The following C6orf163 variants were observed in gnomAD, a reference collection of about 807,000 sequenced individuals.
C6orf163 encodes the protein chromosome 6 open reading frame 163, also known as uncharacterized protein C6orf163.
Under a neutral mutation model 28.4 loss-of-function variants are expected in C6orf163, and 22 were observed. That is an observed-to-expected ratio of 0.78 (90% CI 0.55 to 1.11). The LOEUF (loss-of-function observed/expected upper bound fraction) is 1.11, where lower values mean the gene tolerates loss of function less well. Ranked by LOEUF, C6orf163 falls within the 50% of genes least tolerant of loss-of-function variation. The probability of loss-of-function intolerance (pLI) is 0.00; values close to 1 mark genes in which losing one functional copy is unlikely to be tolerated. For missense variants in C6orf163, 342 were observed against 389.1 expected (o/e 0.88, Z 1.02); for synonymous variants, 110 against 123.6 (o/e 0.89, Z 0.73).
chr6:87,361,670 C>G (rs114210707), intron 4 of C6orf163, among the ~76,000 whole-genome samples: 1 of 152,150 alleles, frequency 6.6e-6, no homozygotes, highest in Non-Finnish European at 1.5e-5. Context: ...GAATGTGTGT[C>G]GATGCACACT....
intron 2 of C6orf163, among the ~76,000 whole-genome samples, 179 bp downstream of exon 2, chr6:87,349,085 A>G (rs1464212907): frequency 6.6e-6 from 1 of 152,174 alleles, no homozygotes; most frequent in African/African-American, 2.4e-5. Context: ...AAAAAGTAAT[A>G]ATAGTACCCA....
chr6:87,352,669 C>T (rs1777434412), intron 3 of C6orf163, among the ~76,000 whole-genome samples: 1 of 152,028 alleles, frequency 6.6e-6, no homozygotes, highest in East Asian at 1.9e-4. Context: ...ATAGTAAAGT[C>T]ATAGGTAAAT....
At chr6:87,346,880 C>A (rs1777332536) in intron 1 of C6orf163, among the ~76,000 whole-genome samples, 1 of 152,208 alleles carries the variant, frequency 6.6e-6, no homozygotes, top group African/African-American at 2.4e-5. Flanking sequence ...CAGAGTTCCC[C>A]TGTACCCTTC....
chr6:87,350,450 A>G lies in C6orf163; in HGVS notation c.300A>G (p.Arg100=), dbSNP rs754396296. The G allele has an allele frequency of 1.3e-6, 2 of 1,536,418 alleles. No homozygotes were observed. Among genetic ancestry groups the G allele is most frequent in the Middle Eastern group, 3.3e-4 (2 of 5,986 alleles). ...VEKALEEAND[R]HKIEIQILKE... ...AAGCACTTGAAGAAGCAAATGACAG[A>G]CACAAAATTGAAATTCAGATTTTGA... is the stretch of plus-strand genomic sequence containing the variant. The change falls in exon 3 of 5, where the codon AGA becomes AGG. Residue 100 remains arginine (R), a synonymous_variant. Coordinates refer to ENST00000388923, the MANE Select transcript of C6orf163 (RefSeq NM_001010868.3).
chr6:87,350,530 T>A, intron 3 of C6orf163, 29 bp downstream of exon 3: 1 of 1,252,356 alleles, frequency 8.0e-7, no homozygotes, highest in Non-Finnish European at 1.1e-6. Flanking sequence ...TTGTTGTCTT[T>A]TAAAAGTAAT....
At chr6:87,353,740 A>G (rs1777455513) in intron 3 of C6orf163, among the ~76,000 whole-genome samples, 1 of 152,252 alleles carries the variant, frequency 6.6e-6, no homozygotes, top group Admixed American at 6.5e-5. Context: ...GCCTCTGACT[A>G]CAAGAGAATA....
chr6:87,350,449 GAC>G lies in C6orf163; in HGVS notation c.303_304del (p.His101GlnfsTer3), dbSNP rs1179884779. 2.0e-6 allele frequency: 3 copies of G among 1,535,926 alleles called. No individual in the cohort carries two copies. Among genetic ancestry groups the G allele is most frequent in the Non-Finnish European group, 2.6e-6 (3 of 1,146,360 alleles). On this transcript the variant is annotated frameshift_variant, in exon 3 of 5. Coordinates refer to ENST00000388923, the MANE Select transcript of C6orf163 (RefSeq NM_001010868.3). LOFTEE classifies it high-confidence loss of function. Reference sequence around the variant, plus strand: ...AAAGCACTTGAAGAAGCAAATGACAGACACAAAATTGAAATTCAGATTTTGAA... The same window carrying G: ...AAAGCACTTGAAGAAGCAAATGACAGACAAAATTGAAATTCAGATTTTGAA...
At chr6:87,347,421 A>G (rs1777342276) in intron 1 of C6orf163, 1 of 985,290 alleles carries the variant, frequency 1.0e-6, no homozygotes, top group Non-Finnish European at 1.2e-6. Flanking sequence ...GATAGCCTAC[A>G]CTTGTATCAC....
intron 3 of C6orf163, among the ~76,000 whole-genome samples, chr6:87,351,731 T>C (rs1295469961): frequency 6.6e-6 from 1 of 152,224 alleles, no homozygotes; most frequent in African/African-American, 2.4e-5. Flanking sequence ...AGTTACCCGC[T>C]AAGCCCTCTA....
intron 4 of C6orf163, among the ~76,000 whole-genome samples, chr6:87,362,361 C>T (rs1326395296): frequency 6.6e-6 from 1 of 152,134 alleles, no homozygotes; most frequent in Non-Finnish European, 1.5e-5. Context: ...CTTGTAATCC[C>T]AGATACTTGG....
intron 3 of C6orf163, among the ~76,000 whole-genome samples, chr6:87,354,390 A>C (rs1046652298): frequency 6.6e-6 from 1 of 152,208 alleles, no homozygotes; most frequent in Non-Finnish European, 1.5e-5. Context: ...GGCTCCATGA[A>C]CTTCAACAAT....
chr6:87,358,393 G>A (rs1777536639), intron 4 of C6orf163: 1 of 152,040 alleles, frequency 6.6e-6, no homozygotes, highest in Non-Finnish European at 1.5e-5. Context: ...GGATCACGAG[G>A]TCAGGAGATC....
intron 3 of C6orf163, among the ~76,000 whole-genome samples, chr6:87,352,123 G>A (rs1363183684): frequency 6.6e-6 from 1 of 152,114 alleles, no homozygotes; most frequent in Non-Finnish European, 1.5e-5. Flanking sequence ...TTTGTCCGGG[G>A]GTTGAGAATT....
rs1435554909 is a variant in C6orf163, at chr6:87,365,333, G to A, written c.927G>A (p.Leu309=). ...KLSPGHADFI[L]PERKKTPSNL... is the part of the protein sequence containing the mutation. ...CACCAGGACATGCAGATTTTATTCT[G>A]CCAGAAAGAAAGAAAACACCTTCTA... Residue 309 remains leucine, a synonymous_variant, in exon 5 of 5, where the codon CTG becomes CTA. Coordinates refer to ENST00000388923, the MANE Select transcript of C6orf163 (RefSeq NM_001010868.3). The A allele has an allele frequency of 2.6e-6, 4 of 1,550,876 alleles. No homozygotes were observed. Among genetic ancestry groups the A allele is most frequent in the South Asian group, 1.2e-5 (1 of 83,944 alleles).
intron 1 of C6orf163, chr6:87,347,409 G>T: frequency 4.1e-6 from 4 of 985,154 alleles, no homozygotes; most frequent in Non-Finnish European, 4.8e-6. Context: ...AAAGAGGATA[G>T]TGATAGCCTA....
chr6:87,349,047 C>A (rs1247954164), intron 2 of C6orf163, 141 bp downstream of exon 2: 22 of 1,050,438 alleles, frequency 2.1e-5, no homozygotes, highest in Non-Finnish European at 1.3e-6. Flanking sequence ...AGTTCTACAA[C>A]CTCTGTAGTC....
At chr6:87,360,712 T>C (rs1174065127) in intron 4 of C6orf163, among the ~76,000 whole-genome samples, 2 of 152,176 alleles carry the variant, frequency 1.3e-5, no homozygotes, top group African/African-American at 4.8e-5. Flanking sequence ...CATTAATTCT[T>C]TTAAGCTTTT....
At chr6:87,364,791 T>C (rs371656634) in intron 4 of C6orf163, among the ~76,000 whole-genome samples, 170 bp from the exon 5 acceptor site, 2 of 152,132 alleles carry the variant, frequency 1.3e-5, no homozygotes, top group African/African-American at 4.8e-5. Context: ...GCTCTGAAAA[T>C]GTGTTTTGTT....
At chr6:87,348,323 A>G in intron 1 of C6orf163, 1 of 985,594 alleles carries the variant, frequency 1.0e-6, no homozygotes, top group Non-Finnish European at 1.2e-6. Context: ...GTAAACTTCT[A>G]CCCCTTAGCT....
Sources: gnomAD v4.1 joint callset for allele counts (sites outside exome capture counted in the v4.1 genomes callset) on GRCh38, gnomAD v4.1.1 for gene constraint, MANE v1.5 for transcripts, NCBI Gene and HGNC (gene_info 2026-07-23, HGNC 2026-07-21) for gene names.